Variants in CCDC195 observed in about 807,000 individuals in gnomAD.
CCDC195 encodes the protein coiled-coil domain containing 195.
At chr2:224,716,171 G>T in exon 1 of CCDC195, 1 of 398,662 alleles carries the variant, frequency 2.5e-6, no homozygotes, top group South Asian at 1.3e-4. Context: ...CAGTGGAAAC[G>T]GCACCCTGAA....
chr2:224,707,747 A>G (rs73996444), intron 2 of CCDC195, among the ~76,000 whole-genome samples: 1,563 of 152,346 alleles, frequency 0.01, 28 homozygotes, highest in African/African-American at 0.035. Flanking sequence ...GCACACCCTC[A>G]GGATATATTT....
At chr2:224,709,855 T>A (rs1488881608) in intron 2 of CCDC195, 118 bp downstream of exon 2, 3 of 397,296 alleles carry the variant, frequency 7.6e-6, no homozygotes, top group African/African-American at 2.1e-5. Context: ...TGGAAATTAT[T>A]TATATGCTAT....
At chr2:224,704,440 A>C (rs1490736706) in intron 2 of CCDC195, among the ~76,000 whole-genome samples, 1 of 152,160 alleles carries the variant, frequency 6.6e-6, no homozygotes, top group Admixed American at 6.5e-5. Flanking sequence ...ACCAGGAGAA[A>C]CTGCTCTTAG....
At chr2:224,711,224 G>A (rs1375943823) in intron 1 of CCDC195, among the ~76,000 whole-genome samples, 1 of 152,192 alleles carries the variant, frequency 6.6e-6, no homozygotes, top group Non-Finnish European at 1.5e-5. Context: ...GAGCAAAGAT[G>A]CATGGTGTGG....
At chr2:224,708,934 G>T (rs1689269632) in intron 2 of CCDC195, among the ~76,000 whole-genome samples, 1 of 152,062 alleles carries the variant, frequency 6.6e-6, no homozygotes, top group Non-Finnish European at 1.5e-5. Context: ...TGGGAGAGAG[G>T]GGGCAGTGCA....
chr2:224,715,322 A>G (rs1289679639), intron 1 of CCDC195, among the ~76,000 whole-genome samples: 2 of 152,194 alleles, frequency 1.3e-5, no homozygotes, highest in Non-Finnish European at 2.9e-5. Flanking sequence ...AATGTAGAGT[A>G]TATTTCTCAC....
At chr2:224,709,525 C>T (rs754126778) in intron 2 of CCDC195, among the ~76,000 whole-genome samples, 1 of 152,202 alleles carries the variant, frequency 6.6e-6, no homozygotes, top group Non-Finnish European at 1.5e-5. Flanking sequence ...CACTAAGGCA[C>T]CTGCCTCCAC....
intron 1 of CCDC195, among the ~76,000 whole-genome samples, chr2:224,711,366 T>TG (rs1210471318): frequency 1.3e-5 from 2 of 151,696 alleles, no homozygotes; most frequent in Non-Finnish European, 2.9e-5. Context: ...TCCCTGTTTT[T>TG]TTTTTTTTTT....
At chr2:224,714,685 C>CT (rs572346237) in intron 1 of CCDC195, among the ~76,000 whole-genome samples, 26 of 149,140 alleles carry the variant, frequency 1.7e-4, no homozygotes, top group South Asian at 4.2e-4. Context: ...TGTCCACATC[C>CT]TTTTTTTTTT....
chr2:224,704,538 A>T (rs1481159921), intron 2 of CCDC195, among the ~76,000 whole-genome samples: 3 of 149,796 alleles, frequency 2.0e-5, no homozygotes, highest in Admixed American at 2.0e-4. Flanking sequence ...TAAGGCTGTA[A>T]TTTCACTGAA....
At chr2:224,715,120 G>T (rs536132768) in intron 1 of CCDC195, among the ~76,000 whole-genome samples, 1 of 151,954 alleles carries the variant, frequency 6.6e-6, no homozygotes, top group African/African-American at 2.4e-5. Context: ...GTAGAGACAG[G>T]GTTTCACCAT....
chr2:224,703,968 C>A, intron 2 of CCDC195, 81 bp from the exon 3 acceptor site: 1 of 397,224 alleles, frequency 2.5e-6, no homozygotes, highest in South Asian at 1.3e-4. Context: ...TCCCCCCAAT[C>A]ACCAGATACT....
At chr2:224,708,882 G>T (rs1186730494) in intron 2 of CCDC195, among the ~76,000 whole-genome samples, 3 of 152,094 alleles carry the variant, frequency 2.0e-5, no homozygotes, top group African/African-American at 7.2e-5. Flanking sequence ...TTGCTGAAGA[G>T]TTAGGGCCTC....
At chr2:224,714,175 T>G (rs547685687) in intron 1 of CCDC195, among the ~76,000 whole-genome samples, 109 of 152,254 alleles carry the variant, frequency 7.2e-4, no homozygotes, top group South Asian at 3.1e-3. Flanking sequence ...CTAACATTCT[T>G]ATTGGAAATT....
chr2:224,715,725 T>G (rs1175275714), intron 1 of CCDC195, among the ~76,000 whole-genome samples: 12 of 152,234 alleles, frequency 7.9e-5, no homozygotes, highest in Admixed American at 5.2e-4. Context: ...TTGTTGACTT[T>G]GACATCCATT....
chr2:224,707,476 T>C (rs1306626251), intron 2 of CCDC195, among the ~76,000 whole-genome samples: 1 of 152,160 alleles, frequency 6.6e-6, no homozygotes, highest in African/African-American at 2.4e-5. Context: ...CAGGACTCAC[T>C]CTCTCTCTCC....
intron 1 of CCDC195, among the ~76,000 whole-genome samples, chr2:224,711,160 G>C (rs374442908): frequency 6.6e-6 from 1 of 152,092 alleles, no homozygotes; most frequent in Non-Finnish European, 1.5e-5. Flanking sequence ...TGGGACAGTC[G>C]TTAAGAGGAT....
intron 2 of CCDC195, among the ~76,000 whole-genome samples, chr2:224,708,679 C>T (rs1689260307): frequency 1.3e-5 from 2 of 152,222 alleles, no homozygotes; most frequent in Admixed American, 1.3e-4. Flanking sequence ...AGAATTCCTA[C>T]AGGCCTCTTG....
At chr2:224,712,810 C>T (rs548827811) in intron 1 of CCDC195, among the ~76,000 whole-genome samples, 1 of 152,264 alleles carries the variant, frequency 6.6e-6, no homozygotes, top group South Asian at 2.1e-4. Flanking sequence ...ATATTTTCAA[C>T]TGCAAATAAG....
Sources: gnomAD v4.1 joint callset for allele counts (sites outside exome capture counted in the v4.1 genomes callset) on GRCh38, gnomAD v4.1.1 for gene constraint, MANE v1.5 for transcripts, NCBI Gene and HGNC (gene_info 2026-07-23, HGNC 2026-07-21) for gene names.